Variants in GLRA1 observed in about 807,000 individuals in gnomAD.
GLRA1 encodes the protein glycine receptor subunit alpha-1.
In GLRA1, 37 loss-of-function variants were observed where a neutral mutation model predicts 48.3. The observed-to-expected ratio is 0.77, with a 90% CI of 0.59 to 1.01. The LOEUF (loss-of-function observed/expected upper bound fraction) is 1.01. Among genes scored for constraint, GLRA1 ranks in the 50% least tolerant of loss-of-function variants. The pLI, the probability that GLRA1 is intolerant of heterozygous loss-of-function variation, is 0.00. For missense variants in GLRA1, 427 were observed against 571.0 expected (o/e 0.75, Z 2.57); for synonymous variants, 196 against 210.7 (o/e 0.93, Z 0.60).
chr5:151,877,434 TAATA>T (rs1753653600), intron 3 of GLRA1, among the ~76,000 whole-genome samples: 1 of 152,142 alleles, frequency 6.6e-6, no homozygotes, highest in Non-Finnish European at 1.5e-5. Context: ...AGACATTAAT[TAATA>T]AATGGAGTGG....
chr5:151,916,254 A>G (rs1377509668), intron 1 of GLRA1, among the ~76,000 whole-genome samples: 1 of 152,200 alleles, frequency 6.6e-6, no homozygotes, highest in African/African-American at 2.4e-5. Flanking sequence ...TCCTATATCT[A>G]ATTTTTAAGG....
chr5:151,881,821 C>A (rs529023409), intron 3 of GLRA1, among the ~76,000 whole-genome samples: 17 of 152,246 alleles, frequency 1.1e-4, no homozygotes, highest in African/African-American at 4.1e-4. Context: ...GTGAATAAAG[C>A]CAGGTCCTGG....
rs372153343 is a variant in GLRA1, at chr5:151,865,189, A to G, written c.253-5181T>C. On this transcript the variant is annotated intron_variant, in intron 3 of 8. Coordinates refer to ENST00000274576, the MANE Select transcript of GLRA1 (RefSeq NM_000171.4). ...GGAATCCACTGAGAACAAGAAAGAT[A>G]TATTTATTCAGCTCCAGAGCCTCCA... Among the ~76,000 whole-genome samples, 18 of 152,344 alleles carry G rather than the reference A, an allele frequency of 1.2e-4. No individual in the cohort carries two copies. The East Asian group carries it at 2.3e-3, about 20-fold the overall frequency.
intron 1 of GLRA1, among the ~76,000 whole-genome samples, chr5:151,906,782 C>T (rs1754482830): frequency 6.6e-6 from 1 of 152,050 alleles, no homozygotes; most frequent in Admixed American, 6.6e-5. Context: ...TGAGAGTTAA[C>T]GTGGTTAATA....
chr5:151,912,374 C>A (rs1477256436), intron 1 of GLRA1, among the ~76,000 whole-genome samples: 1 of 148,802 alleles, frequency 6.7e-6, no homozygotes, highest in Non-Finnish European at 1.5e-5. Context: ...GAAAGTTTTC[C>A]TTGTCTTATG....
intron 7 of GLRA1, among the ~76,000 whole-genome samples, chr5:151,844,316 A>AGT (rs1220434827): frequency 6.6e-6 from 1 of 151,848 alleles, no homozygotes; most frequent in Non-Finnish European, 1.5e-5. Context: ...GGATTAGGCA[A>AGT]TAGTTTCTAA....
At position 151,889,308 on chromosome 5, in the gene GLRA1, C is replaced by T. The variant is rs373300682; in HGVS notation, c.185-2520G>A. 4.6e-5 allele frequency among the ~76,000 whole-genome samples: 7 copies of T among 152,230 alleles called. No homozygotes were observed. The East Asian group carries it at 1.2e-3, about 25-fold the overall frequency. ...CTTTTTTGTATGTATTTGCATTGGGCTGTGCCCCTAATCCTAGGAGCCATT... is the reference window on the plus strand; with the variant it reads ...CTTTTTTGTATGTATTTGCATTGGGTTGTGCCCCTAATCCTAGGAGCCATT... On this transcript the variant is annotated intron_variant, in intron 2 of 8. Transcript: ENST00000274576.
intron 5 of GLRA1, among the ~76,000 whole-genome samples, chr5:151,855,514 T>C (rs1481136888): frequency 1.3e-5 from 2 of 152,072 alleles, no homozygotes; most frequent in Non-Finnish European, 2.9e-5. Flanking sequence ...TACTCCTCTG[T>C]GGAACAACTC....
At chr5:151,843,659 C>A (rs925102731) in intron 7 of GLRA1, among the ~76,000 whole-genome samples, 1 of 152,092 alleles carries the variant, frequency 6.6e-6, no homozygotes, top group Non-Finnish European at 1.5e-5. Flanking sequence ...CTCACACTTC[C>A]AAATTTTAAA....
intron 1 of GLRA1, among the ~76,000 whole-genome samples, chr5:151,923,605 C>T (rs773774447): frequency 5.3e-5 from 8 of 152,174 alleles, no homozygotes; most frequent in African/African-American, 9.7e-5. Context: ...TATTTCAATG[C>T]TTCTTAAAGA....
At chr5:151,846,585 G>A (rs760142100) in intron 7 of GLRA1, among the ~76,000 whole-genome samples, 4 of 152,196 alleles carry the variant, frequency 2.6e-5, no homozygotes, top group South Asian at 4.1e-4. Context: ...AGAGGAGAGT[G>A]TGGTGTCTAC....
At chr5:151,911,150 T>C (rs1332040366) in intron 1 of GLRA1, among the ~76,000 whole-genome samples, 1 of 152,206 alleles carries the variant, frequency 6.6e-6, no homozygotes, top group Non-Finnish European at 1.5e-5. Flanking sequence ...TCATTCAGCT[T>C]GACTGTTCTG....
intron 3 of GLRA1, among the ~76,000 whole-genome samples, chr5:151,885,679 G>A (rs546629250): frequency 2.6e-5 from 4 of 152,308 alleles, no homozygotes; most frequent in Non-Finnish European, 4.4e-5. Flanking sequence ...GTAAGCAATC[G>A]GTGCAGCTAG....
chr5:151,908,981 G>A (rs1284691968), intron 1 of GLRA1, among the ~76,000 whole-genome samples: 1 of 152,180 alleles, frequency 6.6e-6, no homozygotes, highest in Non-Finnish European at 1.5e-5. Flanking sequence ...TAAGATCACT[G>A]CCTTAGTCCC....
intron 1 of GLRA1, among the ~76,000 whole-genome samples, chr5:151,912,870 G>A (rs1019604167): frequency 6.6e-6 from 1 of 152,150 alleles, no homozygotes; most frequent in Non-Finnish European, 1.5e-5. Context: ...AATTCATTAA[G>A]CTCTAATCTT....
At chr5:151,835,433 A>G (rs1292101995) in intron 7 of GLRA1, among the ~76,000 whole-genome samples, 2 of 152,232 alleles carry the variant, frequency 1.3e-5, no homozygotes, top group African/African-American at 4.8e-5. Flanking sequence ...TGAGGCCAGC[A>G]TCATCCTGAT....
chr5:151,921,942 T>C (rs760164734), intron 1 of GLRA1, among the ~76,000 whole-genome samples: 5 of 152,228 alleles, frequency 3.3e-5, no homozygotes, highest in Non-Finnish European at 5.9e-5. Context: ...TTTCCCTTTC[T>C]AAGACCCAGT....
intron 1 of GLRA1, among the ~76,000 whole-genome samples, chr5:151,921,234 A>G (rs1207035636): frequency 6.6e-6 from 1 of 152,142 alleles, no homozygotes; most frequent in African/African-American, 2.4e-5. Flanking sequence ...TTTTTGTTTT[A>G]TCAGGGTGCT....
chr5:151,914,554 A>C (rs1392888810), intron 1 of GLRA1, among the ~76,000 whole-genome samples: 1 of 152,198 alleles, frequency 6.6e-6, no homozygotes, highest in African/African-American at 2.4e-5. Flanking sequence ...AAGACTTTTA[A>C]AAATTCTCTT....
Sources: allele counts gnomAD v4.1 joint callset (sites outside exome capture counted in the v4.1 genomes callset), GRCh38; gene constraint gnomAD v4.1.1; transcripts MANE v1.5; gene names NCBI Gene and HGNC (gene_info 2026-07-23, HGNC 2026-07-21).